Variants in EPYC observed in about 807,000 individuals in gnomAD.
EPYC encodes the protein epiphycan, also known as dermatan sulfate proteoglycan 3.
A neutral mutation model predicts 30.1 loss-of-function variants in EPYC; 28 were observed. The observed-to-expected ratio is 0.93, with a 90% CI of 0.69 to 1.28. The LOEUF is 1.28. EPYC is among the 50% of genes most tolerant of loss of function. The pLI is 0.00. For synonymous variants in EPYC, 144 were observed against 141.4 expected (o/e 1.02, Z -0.13); for missense variants, 382 against 383.5 (o/e 1.00, Z 0.03).
chr12:90,995,385 C>A (rs933556201), intron 2 of EPYC, among the ~76,000 whole-genome samples: 1 of 151,918 alleles, frequency 6.6e-6, no homozygotes, highest in African/African-American at 2.4e-5. Flanking sequence ...TCTTAATAAT[C>A]AAATCACTTA....
intron 1 of EPYC, among the ~76,000 whole-genome samples, chr12:91,003,579 T>C (rs553807121): frequency 2.0e-4 from 31 of 152,212 alleles, no homozygotes; most frequent in Admixed American, 1.6e-3. Context: ...TACATTTTGG[T>C]TTAGAAAAAA....
intron 4 of EPYC, chr12:90,972,549 C>T (rs1168375288): frequency 2.5e-5 from 6 of 240,516 alleles, no homozygotes; most frequent in South Asian, 1.1e-4. Context: ...TAAAACATTC[C>T]AGCATGTACA....
chr12:90,964,741 G>T (rs540299344), intron 6 of EPYC, among the ~76,000 whole-genome samples: 324 of 152,284 alleles, frequency 2.1e-3, no homozygotes, highest in Non-Finnish European at 3.5e-3. Context: ...ATCAGGTTTA[G>T]AGTCCTGAGG....
Position 90,964,239 on chromosome 12 carries a change from A to G in EPYC, c.886T>C (p.Leu296=), listed in dbSNP as rs774914143. 7 of 1,613,738 alleles carry G rather than the reference A, an allele frequency of 4.3e-6. No individual in the cohort carries two copies. Among genetic ancestry groups the G allele is most frequent in the South Asian group, 1.1e-5 (1 of 91,046 alleles). The change falls in exon 7 of 7, where the codon TTG becomes CTG. Residue 296 remains leucine (L), a synonymous_variant. Transcript: ENST00000261172. Reference sequence around the variant, plus strand: ...CTGAGATTAATAGGGTTTCCATCCAATCGAATGTCCTCTAGTGCCTTACGA... The same window carrying G: ...CTGAGATTAATAGGGTTTCCATCCAGTCGAATGTCCTCTAGTGCCTTACGA... ...YIRKALEDIR[L]DGNPINLSKT...
At chr12:90,989,483 G>T (rs1300850098) in intron 2 of EPYC, among the ~76,000 whole-genome samples, 2 of 151,946 alleles carry the variant, frequency 1.3e-5, no homozygotes, top group African/African-American at 2.4e-5. Flanking sequence ...GTATTGACTT[G>T]CTAGGATATC....
At chr12:90,974,606 A>G (rs1877139389) in intron 3 of EPYC, among the ~76,000 whole-genome samples, 1 of 152,126 alleles carries the variant, frequency 6.6e-6, no homozygotes, top group Admixed American at 6.6e-5. Flanking sequence ...CTCAAAGAAC[A>G]TGGAAAGATT....
chr12:90,998,812 T>C (rs1256506826), intron 2 of EPYC, among the ~76,000 whole-genome samples: 1 of 152,124 alleles, frequency 6.6e-6, no homozygotes, highest in Non-Finnish European at 1.5e-5. Context: ...TCAGGCCTGA[T>C]CTGACTGGCT....
chr12:90,989,465 C>T (rs964269629), intron 2 of EPYC, among the ~76,000 whole-genome samples: 6 of 151,820 alleles, frequency 4.0e-5, no homozygotes, highest in South Asian at 2.1e-4. Flanking sequence ...ATCATAAAAT[C>T]GTATTTTGTA....
chr12:90,969,286 A>G (rs1212119439), intron 6 of EPYC, among the ~76,000 whole-genome samples: 2 of 151,924 alleles, frequency 1.3e-5, no homozygotes, highest in African/African-American at 2.4e-5. Flanking sequence ...TTTATTCCAT[A>G]GAACAGATCA....
rs1204254301 is a variant in EPYC, at chr12:90,964,295, G to GT, written c.829dup (p.Thr277AsnfsTer6). 30 of 1,607,626 alleles carry GT rather than the reference G, an allele frequency of 1.9e-5. No homozygotes were observed. Among genetic ancestry groups the GT allele is most frequent in the Non-Finnish European group, 2.4e-5 (28 of 1,175,464 alleles). On this transcript the variant is annotated frameshift_variant, in exon 7 of 7. Coordinates refer to ENST00000261172, the MANE Select transcript of EPYC (RefSeq NM_004950.5). LOFTEE classifies it high-confidence loss of function. ...AGTCAAATTTTTAACATTGCAGAACGTATCTTCGTGCATTTCCAGAATGTT... is the reference window on the plus strand; with the variant it reads ...AGTCAAATTTTTAACATTGCAGAACGTTATCTTCGTGCATTTCCAGAATGTT...
chr12:90,988,162 C>G (rs1877497602), intron 2 of EPYC, among the ~76,000 whole-genome samples: 1 of 151,858 alleles, frequency 6.6e-6, no homozygotes, highest in South Asian at 2.1e-4. Context: ...ATACCTAAGG[C>G]CAGAGATAGT....
At chr12:90,993,389 G>T (rs528086232) in intron 2 of EPYC, among the ~76,000 whole-genome samples, 1 of 152,024 alleles carries the variant, frequency 6.6e-6, no homozygotes, top group Non-Finnish European at 1.5e-5. Context: ...GGTACACCTC[G>T]CCTTTATCAA....
chr12:90,964,660 T>C (rs1349566726), intron 6 of EPYC, among the ~76,000 whole-genome samples: 1 of 151,904 alleles, frequency 6.6e-6, no homozygotes, highest in East Asian at 1.9e-4. Flanking sequence ...ACAATTGAAC[T>C]GAGAATGGAT....
chr12:90,979,933 A>C (rs1877285869), intron 2 of EPYC, among the ~76,000 whole-genome samples: 1 of 152,228 alleles, frequency 6.6e-6, no homozygotes, highest in Admixed American at 6.6e-5. Context: ...AAATCAAAAC[A>C]AAAACAGATT....
intron 2 of EPYC, among the ~76,000 whole-genome samples, chr12:90,987,784 T>C (rs145043059): frequency 2.0e-5 from 3 of 152,312 alleles, no homozygotes; most frequent in African/African-American, 7.2e-5. Context: ...TGTGGTATTC[T>C]ATGTGAATGG....
intron 2 of EPYC, among the ~76,000 whole-genome samples, chr12:90,997,373 A>T (rs1276409351): frequency 1.3e-5 from 2 of 151,998 alleles, no homozygotes; most frequent in Middle Eastern, 3.2e-3. Context: ...GTGGATGTTG[A>T]CATCCTTCTA....
chr12:90,964,757 A>T (rs2120787352), intron 6 of EPYC, among the ~76,000 whole-genome samples: 1 of 152,284 alleles, frequency 6.6e-6, no homozygotes, highest in East Asian at 1.9e-4. Context: ...TGAGGAATCA[A>T]CATGGAATGC....
chr12:90,990,610 A>G (rs1317149021), intron 2 of EPYC, among the ~76,000 whole-genome samples: 1 of 152,128 alleles, frequency 6.6e-6, no homozygotes, highest in African/African-American at 2.4e-5. Flanking sequence ...TCTTAGTGCC[A>G]CCACATTCTC....
intron 2 of EPYC, among the ~76,000 whole-genome samples, chr12:90,988,705 A>G (rs951237408): frequency 2.6e-5 from 4 of 152,160 alleles, no homozygotes; most frequent in Non-Finnish European, 5.9e-5. Flanking sequence ...TAGCTGTAAC[A>G]AACAAGTCCA....
Sources: allele counts gnomAD v4.1 joint callset (sites outside exome capture counted in the v4.1 genomes callset), GRCh38; gene constraint gnomAD v4.1.1; transcripts MANE v1.5; gene names NCBI Gene and HGNC (gene_info 2026-07-23, HGNC 2026-07-21).